TLE1: variants seen among roughly 807,000 people sequenced by gnomAD.
TLE1 encodes the protein transducin-like enhancer protein 1.
Under a neutral mutation model 89.8 loss-of-function variants are expected in TLE1, and 21 were observed. That is an observed-to-expected ratio of 0.23 (90% CI 0.17 to 0.34). The LOEUF (loss-of-function observed/expected upper bound fraction) is 0.34, where lower values mean the gene tolerates loss of function less well. Among genes scored for constraint, TLE1 ranks in the 10% least tolerant of loss-of-function variants. TLE1 has a pLI of 1.00. For synonymous variants in TLE1, 447 were observed against 407.6 expected, an observed-to-expected ratio of 1.10 and a Z score of -1.16; for missense variants, 795 against 1,031.2, an observed-to-expected ratio of 0.77 and a Z score of 3.14.
chr9:81,585,478 CT>C, intron 18 of TLE1, 26 bp downstream of exon 18: 1 of 1,598,746 alleles, frequency 6.3e-7, no homozygotes, highest in Non-Finnish European at 8.5e-7. Context: ...CATCAACGGC[CT>C]CCAGTTTCCT....
intron 2 of TLE1, among the ~76,000 whole-genome samples, chr9:81,686,704 A>G (rs561365667): frequency 7.2e-5 from 11 of 152,360 alleles, no homozygotes; most frequent in South Asian, 2.1e-4. Context: ...ACAAAAATTT[A>G]TAAGTCCTTT....
intron 4 of TLE1, among the ~76,000 whole-genome samples, chr9:81,668,321 T>A (rs1306722771): frequency 6.6e-6 from 1 of 152,172 alleles, no homozygotes; most frequent in Non-Finnish European, 1.5e-5. Flanking sequence ...TAGTCACGAT[T>A]AAAATGAAAT....
intron 4 of TLE1, among the ~76,000 whole-genome samples, chr9:81,656,229 C>T (rs1830133202): frequency 6.6e-6 from 1 of 151,960 alleles, no homozygotes; most frequent in Non-Finnish European, 1.5e-5. Flanking sequence ...ACTCAAGCTA[C>T]CTCAAGGTCA....
chr9:81,608,552 G>A (rs748135676), intron 14 of TLE1, among the ~76,000 whole-genome samples: 9 of 152,182 alleles, frequency 5.9e-5, no homozygotes, highest in South Asian at 2.1e-4. Flanking sequence ...TGCAAGTGAC[G>A]TACTGATAAA....
rs1161433645 is a variant in TLE1 at position 81,584,080 on chromosome 9, G to A, written c.*118C>T. 1.2e-5 allele frequency: 10 copies of A among 866,842 alleles called. No individual in the cohort carries two copies. The highest frequency in any genetic ancestry group is 5.1e-5 in the African/African-American group (3 of 58,888). 53.7% of individuals were successfully genotyped at this position (866,842 alleles called of 1,614,324 possible). On this transcript the variant is annotated 3_prime_UTR_variant, in exon 20 of 20. Coordinates refer to ENST00000376499, the MANE Select transcript of TLE1 (RefSeq NM_005077.5). ...TAGACTCAAAGTAGTTTTCTGTCAA[G>A]GTTTGGAAACAGGTGTTTGTAATTT...
At chr9:81,587,034 CTG>C (rs1262914047) in intron 17 of TLE1, among the ~76,000 whole-genome samples, 1 of 152,202 alleles carries the variant, frequency 6.6e-6, no homozygotes, top group South Asian at 2.1e-4. Flanking sequence ...ATGGCAAACA[CTG>C]TTTTTTCCAA....
intron 9 of TLE1, among the ~76,000 whole-genome samples, chr9:81,617,483 C>T (rs1824684790): frequency 6.6e-6 from 1 of 150,832 alleles, no homozygotes; most frequent in African/African-American, 2.4e-5. Context: ...AGGTGGATCG[C>T]TTGAGGCCAG....
Position 81,618,272 on chromosome 9 carries a change from T to C in TLE1, c.712-1573A>G, listed in dbSNP as rs572716799. Among the ~76,000 whole-genome samples the C allele has an allele frequency of 4.6e-5, 7 of 152,308 alleles. No individual in the cohort carries two copies. The South Asian group carries it at 1.2e-3, about 27-fold the overall frequency. The stretch of plus-strand genomic sequence containing the variant: ...CTGATGCTGTTGTCAGTGAAGAATA[T>C]AGAAATAATATCTGAAAAATATTAG... On this transcript the variant is annotated intron_variant, in intron 9 of 19. Coordinates refer to ENST00000376499, the MANE Select transcript of TLE1 (RefSeq NM_005077.5).
chr9:81,667,377 G>T (rs1440086131), intron 4 of TLE1, among the ~76,000 whole-genome samples: 1 of 118,270 alleles, frequency 8.5e-6, no homozygotes, highest in East Asian at 2.5e-4. Context: ...GACAGAGACA[G>T]ACTGTCTCAA....
chr9:81,637,715 A>C (rs1392287554), intron 6 of TLE1, among the ~76,000 whole-genome samples: 5 of 150,912 alleles, frequency 3.3e-5, no homozygotes, highest in Non-Finnish European at 7.4e-5. Context: ...CAAATGGATC[A>C]CAACTGCTGA....
At chr9:81,659,055 C>T (rs1007605440) in intron 4 of TLE1, among the ~76,000 whole-genome samples, 2 of 152,004 alleles carry the variant, frequency 1.3e-5, no homozygotes, top group Non-Finnish European at 2.9e-5. Context: ...ATGACAGGCA[C>T]GCGCCACCAC....
At chr9:81,659,115 G>A (rs1243078316) in intron 4 of TLE1, among the ~76,000 whole-genome samples, 1 of 151,974 alleles carries the variant, frequency 6.6e-6, no homozygotes. Context: ...CACCATGTTG[G>A]CCAGGATGGT....
At chr9:81,677,511 G>A (rs1330985100) in intron 4 of TLE1, among the ~76,000 whole-genome samples, 2 of 145,612 alleles carry the variant, frequency 1.4e-5, no homozygotes, top group South Asian at 2.2e-4. Context: ...CTTGCAGTGA[G>A]CTGAGATCAT....
intron 8 of TLE1, among the ~76,000 whole-genome samples, chr9:81,629,325 T>C (rs1415066385): frequency 1.3e-5 from 2 of 152,170 alleles, no homozygotes; most frequent in Non-Finnish European, 2.9e-5. Context: ...TCTAAAGTTA[T>C]TTTTTTATTA....
At chr9:81,684,394 A>T (rs1833998619) in intron 4 of TLE1, among the ~76,000 whole-genome samples, 2 of 152,204 alleles carry the variant, frequency 1.3e-5, no homozygotes, top group African/African-American at 4.8e-5. Flanking sequence ...CATTATTAAT[A>T]AAAGGCCCTG....
At chr9:81,615,165 T>TCTCTAATG (rs1306063637) in intron 11 of TLE1, among the ~76,000 whole-genome samples, 2 of 131,124 alleles carry the variant, frequency 1.5e-5, no homozygotes, top group African/African-American at 5.6e-5. Context: ...GTGTACACCC[T>TCTCTAATG]CTCTAATGTA....
At chr9:81,615,081 C>CAAAAAAAAAAAAAAAAAAAA (rs34947337) in intron 11 of TLE1, among the ~76,000 whole-genome samples, 2 of 25,106 alleles carry the variant, frequency 8.0e-5, no homozygotes, top group Non-Finnish European at 1.3e-4. Context: ...GACTCCATCT[C>CAAAAAAAAAAAAAAAAAAAA]AAAAAAAAAA....
At chr9:81,606,798 TATATAG>T (rs1563958618) in intron 14 of TLE1, among the ~76,000 whole-genome samples, 1 of 149,662 alleles carries the variant, frequency 6.7e-6, no homozygotes, top group African/African-American at 2.4e-5. Context: ...CATATATATA[TATATAG>T]AGAGAGAGGC....
At position 81,590,932 on chromosome 9, in the gene TLE1, C is replaced by G; in HGVS notation, c.1702G>C (p.Ala568Pro). ...DLAAPTPRIK[A>P]ELTSSAPACY... is the part of the protein sequence containing the mutation. ...GCGGGGGCCGAGGACGTCAGCTCCG[C>G]CTTGATGCGCGGGGTTGGAGCCGCC... Residue 568 changes from alanine (A) to proline (P), a missense_variant, in exon 16 of 20, where the codon GCG becomes CCG. Ala to Pro is a conservative substitution (Grantham distance 27, BLOSUM62 -1). Transcript: ENST00000376499. The G allele has an allele frequency of 6.2e-7, 1 of 1,614,240 alleles. No individual in the cohort carries two copies. The highest frequency in any genetic ancestry group is 8.5e-7 in the Non-Finnish European group (1 of 1,180,052).
Sources: allele counts gnomAD v4.1 joint callset (sites outside exome capture counted in the v4.1 genomes callset), GRCh38; gene constraint gnomAD v4.1.1; transcripts MANE v1.5; gene names NCBI Gene and HGNC (gene_info 2026-07-23, HGNC 2026-07-21).